Variants in USH2A observed in about 807,000 individuals in gnomAD.
USH2A encodes Usher syndrome 2A (autosomal recessive, mild).
In USH2A, 443 loss-of-function variants were observed where a neutral mutation model predicts 538.9. The observed-to-expected ratio is 0.82, with a 90% confidence interval of 0.76 to 0.89. The LOEUF (loss-of-function observed/expected upper bound fraction) is 0.89, where lower values mean the gene tolerates loss of function less well. USH2A is among the 40% of genes least tolerant of loss of function. USH2A has a pLI of 0.00. For synonymous variants in USH2A, 2,413 were observed against 2,273.5 expected (o/e 1.06, Z -1.75); for missense variants, 6,633 against 6,324.8 (o/e 1.05, Z -1.65).
At chr1:215,734,940 C>T (rs1350265887) in intron 60 of USH2A, among the ~76,000 whole-genome samples, 1 of 152,188 alleles carries the variant, frequency 6.6e-6, no homozygotes, top group Non-Finnish European at 1.5e-5. Context: ...TGAGCCCTCC[C>T]AACTCTTTCA....
In USH2A at chr1:215,625,087, C is replaced by A. The variant is rs1245512362; in HGVS notation, c.*694G>T. 6.6e-6 allele frequency: 1 copy of A among 152,258 alleles called. No homozygotes were observed. The highest frequency in any genetic ancestry group is 1.5e-5 in the Non-Finnish European group (1 of 68,140). 9.4% of individuals were successfully genotyped at this position (152,258 alleles called of 1,614,324 possible). A position where few individuals can be genotyped will look rare whatever the true frequency, so the allele number is the denominator to read the frequency against. ...AAAATGTATAAATAAGCTGTTTACT[C>A]CTTAGATTTTTGGAAAATTCATAAA... On this transcript the variant is annotated 3_prime_UTR_variant, in exon 72 of 72. Transcript: ENST00000307340.
At chr1:215,807,066 G>A (rs56673010) in intron 49 of USH2A, among the ~76,000 whole-genome samples, 3,201 of 152,060 alleles carry the variant, frequency 0.021, 111 homozygotes, top group African/African-American at 0.073. Flanking sequence ...ATGGCAAAGG[G>A]GAATGAAGAC....
chr1:215,717,344 C>G (rs1343941624), intron 61 of USH2A, among the ~76,000 whole-genome samples: 2 of 152,138 alleles, frequency 1.3e-5, no homozygotes, highest in Non-Finnish European at 2.9e-5. Flanking sequence ...AAGGTGATGT[C>G]ACATTCATCT....
chr1:216,043,922 T>C (rs2030406530), intron 32 of USH2A, among the ~76,000 whole-genome samples: 1 of 152,034 alleles, frequency 6.6e-6, no homozygotes, highest in Non-Finnish European at 1.5e-5. Flanking sequence ...TTTTCTCTCT[T>C]CTCTATTGCC....
intron 50 of USH2A, 53 bp from the exon 51 acceptor site, chr1:215,790,335 C>T: frequency 1.3e-6 from 2 of 1,591,084 alleles, no homozygotes; most frequent in South Asian, 1.1e-5. Context: ...GGGAAGAAAA[C>T]TGAGGCTGCT....
intron 61 of USH2A, among the ~76,000 whole-genome samples, chr1:215,694,077 G>T: frequency 6.6e-6 from 1 of 152,118 alleles, no homozygotes; most frequent in Non-Finnish European, 1.5e-5. Context: ...GACATTTAGG[G>T]TTAAACAGTC....
chr1:215,682,576 T>C (rs1658272608), intron 61 of USH2A, among the ~76,000 whole-genome samples: 1 of 152,172 alleles, frequency 6.6e-6, no homozygotes, highest in African/African-American at 2.4e-5. Context: ...CTCAGATCCT[T>C]GAAAGCAGAA....
chr1:216,159,352 A>C (rs471271), intron 21 of USH2A, among the ~76,000 whole-genome samples: 144,235 of 152,070 alleles, frequency 0.95, 68,468 homozygotes, highest in African/African-American at 0.98. Flanking sequence ...TTCTTTCATT[A>C]CTAGTTTGCT....
rs1248464079 is a variant in USH2A at position 215,634,748 on chromosome 1, C to A, written c.15053-45G>T. On this transcript the variant is annotated intron_variant, in intron 69 of 71. Transcript: ENST00000307340. Reference sequence around the variant, plus strand: ...AAAGGGGAAATGTTATTTCAGAAAGCATTTTTGTCATCTCTGGCCCTGCTA... The same window carrying A: ...AAAGGGGAAATGTTATTTCAGAAAGAATTTTTGTCATCTCTGGCCCTGCTA... 4 of 1,614,046 alleles carry A rather than the reference C, an allele frequency of 2.5e-6. No individual in the cohort carries two copies. The Admixed American group carries it at 5.0e-5, about 20-fold the overall frequency.
At chr1:215,798,306 A>C (rs548023231) in intron 50 of USH2A, among the ~76,000 whole-genome samples, 8 of 152,312 alleles carry the variant, frequency 5.3e-5, no homozygotes, top group Non-Finnish European at 1.0e-4. Context: ...ACCTCCAATA[A>C]CATAAATGTC....
At chr1:216,259,231 A>C (rs1381717367) in intron 11 of USH2A, among the ~76,000 whole-genome samples, 3 of 152,160 alleles carry the variant, frequency 2.0e-5, no homozygotes, top group African/African-American at 7.2e-5. Context: ...AAGCTTAAGA[A>C]ATAGCATTAT....
At chr1:215,918,037 T>C (rs1394115616) in intron 38 of USH2A, among the ~76,000 whole-genome samples, 1 of 151,936 alleles carries the variant, frequency 6.6e-6, no homozygotes, top group Non-Finnish European at 1.5e-5. Context: ...TCTTCCTCTA[T>C]GGTGCCATTG....
intron 57 of USH2A, 105 bp downstream of exon 57, chr1:215,759,555 T>C (rs1660917663): frequency 1.4e-6 from 2 of 1,402,774 alleles, no homozygotes; most frequent in East Asian, 4.7e-5. Context: ...AATGAGGAAG[T>C]TAATTAAACA....
intron 47 of USH2A, among the ~76,000 whole-genome samples, chr1:215,819,667 C>A (rs551451720): frequency 6.6e-6 from 1 of 151,810 alleles, no homozygotes; most frequent in African/African-American, 2.4e-5. Context: ...GACTTATCCA[C>A]AAAAGCTCGT....
intron 11 of USH2A, among the ~76,000 whole-genome samples, chr1:216,270,210 C>T (rs2036549396): frequency 6.6e-6 from 1 of 152,026 alleles, no homozygotes; most frequent in African/African-American, 2.4e-5. Flanking sequence ...CTATAGATTA[C>T]ATCTTCTCAA....
chr1:216,010,094 T>G (rs935027212), intron 32 of USH2A, among the ~76,000 whole-genome samples: 6 of 152,146 alleles, frequency 3.9e-5, no homozygotes, highest in African/African-American at 1.4e-4. Flanking sequence ...ATTCTGGCCC[T>G]CAAACCCCAC....
At chr1:215,916,657 G>T (rs1665962359) in intron 38 of USH2A, among the ~76,000 whole-genome samples, 1 of 152,082 alleles carries the variant, frequency 6.6e-6, no homozygotes, top group Admixed American at 6.6e-5. Context: ...CACTAAGAAT[G>T]CTTTAATTAG....
At chr1:215,757,927 C>T (rs975129701) in intron 58 of USH2A, among the ~76,000 whole-genome samples, 1 of 152,152 alleles carries the variant, frequency 6.6e-6, no homozygotes, top group East Asian at 1.9e-4. Flanking sequence ...ATGATCCAAT[C>T]TAAGGAGTCC....
At position 215,878,998 on chromosome 1, in the gene USH2A, A is replaced by G. The variant is rs767155952; in HGVS notation, c.8324T>C (p.Val2775Ala). The change falls in exon 42 of 72, where the codon GTG (valine) becomes GCG (alanine). Residue 2775 changes from valine (V) to alanine (A), a missense_variant. Coordinates refer to ENST00000307340, the MANE Select transcript of USH2A (RefSeq NM_206933.4). ...CAGATGAGTAACTTTTTGACTTAACACTGCGGAAGTCACATTGGTTAAAGT... is the reference window on the plus strand; with the variant it reads ...CAGATGAGTAACTTTTTGACTTAACGCTGCGGAAGTCACATTGGTTAAAGT... ...HITLTNVTSA[V>A]LSQKVTHLIP... 2.5e-6 allele frequency: 4 copies of G among 1,613,926 alleles called. No homozygotes were observed. In the African/African-American group the frequency reaches 5.3e-5, roughly 22 times the overall value.
Sources: gnomAD v4.1 joint callset for allele counts (sites outside exome capture counted in the v4.1 genomes callset) on GRCh38, gnomAD v4.1.1 for gene constraint, MANE v1.5 for transcripts, NCBI Gene and HGNC (gene_info 2026-07-23, HGNC 2026-07-21) for gene names.